VPS13C: variants seen among roughly 807,000 people sequenced by gnomAD.
VPS13C encodes intermembrane lipid transfer protein VPS13C.
VPS13C carries 358 observed loss-of-function variants against 456.8 expected under a neutral mutation model. The ratio of observed to expected loss-of-function variants is 0.78; its 90% CI spans 0.72 to 0.86. The LOEUF is 0.86. Among genes scored for constraint, VPS13C ranks in the 40% least tolerant of loss-of-function variants. The probability of loss-of-function intolerance (pLI) is 0.00; values close to 1 mark genes in which losing one functional copy is unlikely to be tolerated. For missense variants in VPS13C, 4,818 were observed against 4,385.4 expected (o/e 1.10, Z -2.79); for synonymous variants, 1,578 against 1,486.7 (o/e 1.06, Z -1.41).
chr15:61,907,184 C>G (rs1184803311), intron 66 of VPS13C, 80 bp downstream of exon 66: 1 of 1,595,970 alleles, frequency 6.3e-7, no homozygotes, highest in Non-Finnish European at 8.6e-7. Context: ...TCAATTAGGA[C>G]AAGGAGTCAG....
rs1272200532 is a variant in VPS13C, at chr15:61,959,459, C to A, written c.4045G>T (p.Asp1349Tyr). 5 of 1,610,284 alleles carry A rather than the reference C, an allele frequency of 3.1e-6. No homozygotes were observed. In the African/African-American group the frequency reaches 4.0e-5, roughly 13 times the overall value. ...ACTCATATACTTACATTCATTGAATCAAGATGTCCTTTAATTTCCACAACA... is the reference window on the plus strand; with the variant it reads ...ACTCATATACTTACATTCATTGAATAAAGATGTCCTTTAATTTCCACAACA... ...VPVVEIKGHL[D>Y]SMNVSLNQED... Residue 1349 changes from aspartate (D) to tyrosine (Y), a missense_variant, in exon 36 of 85, where the codon GAT (aspartate) becomes TAT (tyrosine). Around this residue, in one of 3 missense-constraint regions of VPS13C, gnomAD observed 4,552 missense variants for 4,130.6 expected, o/e 1.10. Coordinates refer to ENST00000644861, the MANE Select transcript of VPS13C (RefSeq NM_020821.3).
intron 71 of VPS13C, 112 bp from the exon 72 acceptor site, chr15:61,881,066 C>A: frequency 1.2e-6 from 1 of 826,022 alleles, no homozygotes. Context: ...CCTTCATCTC[C>A]TAAAAATTAT....
At chr15:62,005,848 G>A (rs533362486) in intron 15 of VPS13C, among the ~76,000 whole-genome samples, 23 of 151,666 alleles carry the variant, frequency 1.5e-4, no homozygotes, top group Non-Finnish European at 3.2e-4. Flanking sequence ...GATTACGGGT[G>A]CCCACCACCA....
At chr15:61,915,347 A>C (rs1223030666) in intron 61 of VPS13C, among the ~76,000 whole-genome samples, 1 of 152,196 alleles carries the variant, frequency 6.6e-6, no homozygotes, top group Non-Finnish European at 1.5e-5. Flanking sequence ...TCACTGGTAA[A>C]GTACATAAAT....
rs758948442 is a variant in VPS13C, at chr15:61,909,119, C to A, written c.8851G>T (p.Gly2951Cys). 19 of 1,604,980 alleles carry A rather than the reference C, an allele frequency of 1.2e-5. No individual in the cohort carries two copies. The highest frequency in any genetic ancestry group is 6.6e-5 in the South Asian group (6 of 90,700). Residue 2951 changes from glycine to cysteine, a missense_variant, in exon 65 of 85, where the codon GGT (glycine) becomes TGT (cysteine). Coordinates refer to ENST00000644861, the MANE Select transcript of VPS13C (RefSeq NM_020821.3). ...TLLSLEDLNG[G>C]ILVDVNTAEH... ...GCAGTGTTTACATCCACCAAGATAC[C>A]CCCATTCTATTGTAGAAAAAAAAAA...
At chr15:61,928,265 G>T (rs2043934459) in intron 51 of VPS13C, among the ~76,000 whole-genome samples, 1 of 152,020 alleles carries the variant, frequency 6.6e-6, no homozygotes. Flanking sequence ...ATGTACGCAG[G>T]CATAAGTATA....
At position 61,875,727 on chromosome 15, in the gene VPS13C, A is replaced by C; in HGVS notation, c.10338+5T>G. Reference sequence around the variant, plus strand: ...CTATCCTTAGAACAAATAAGAGGTCAATACCTGGAAGGGTTCATAGAATAA... The same window carrying C: ...CTATCCTTAGAACAAATAAGAGGTCCATACCTGGAAGGGTTCATAGAATAA... On this transcript the variant is annotated splice_donor_5th_base_variant and intron_variant, in intron 76 of 84. Transcript: ENST00000644861. 1.2e-6 allele frequency: 2 copies of C among 1,602,424 alleles called. No homozygotes were observed. The highest frequency in any genetic ancestry group is 1.7e-6 in the Non-Finnish European group (2 of 1,172,266).
intron 35 of VPS13C, among the ~76,000 whole-genome samples, 163 bp from the exon 36 acceptor site, chr15:61,959,758 C>T (rs2045131642): frequency 6.6e-6 from 1 of 152,056 alleles, no homozygotes; most frequent in South Asian, 2.1e-4. Flanking sequence ...CTATAATCCA[C>T]TAGAAGGGAC....
intron 66 of VPS13C, among the ~76,000 whole-genome samples, chr15:61,892,918 C>T (rs1219409394): frequency 6.6e-6 from 1 of 151,992 alleles, no homozygotes; most frequent in East Asian, 1.9e-4. Context: ...AGCTCTAAGA[C>T]AGGCTATTGG....
chr15:61,875,471 A>T (rs565321131), intron 76 of VPS13C, among the ~76,000 whole-genome samples: 1 of 152,048 alleles, frequency 6.6e-6, no homozygotes, highest in Non-Finnish European at 1.5e-5. Flanking sequence ...CAGTCTTGAA[A>T]GTCTTAATCT....
chr15:62,030,231 A>C (rs2047767235), intron 5 of VPS13C, among the ~76,000 whole-genome samples: 1 of 152,198 alleles, frequency 6.6e-6, no homozygotes, highest in Admixed American at 6.5e-5. Flanking sequence ...CAGCATTTAC[A>C]AATTCAAGGA....
At chr15:62,013,180 A>G in intron 10 of VPS13C, 61 bp from the exon 11 acceptor site, 1 of 1,287,484 alleles carries the variant, frequency 7.8e-7, no homozygotes, top group Non-Finnish European at 1.1e-6. Flanking sequence ...AATCAATATT[A>G]AAAGATTATT....
At chr15:61,918,385 G>A in intron 58 of VPS13C, 128 bp from the exon 59 acceptor site, 1 of 870,798 alleles carries the variant, frequency 1.1e-6, no homozygotes, top group South Asian at 2.4e-5. Context: ...ATTTTTATTG[G>A]CAATTGAAAA....
intron 35 of VPS13C, 122 bp from the exon 36 acceptor site, chr15:61,959,717 G>A: frequency 1.1e-6 from 1 of 937,404 alleles, no homozygotes; most frequent in Non-Finnish European, 1.5e-6. Flanking sequence ...AGTGTGGCTT[G>A]AGTATTTTCA....
chr15:61,981,305 C>G, intron 22 of VPS13C, 37 bp downstream of exon 22: 3 of 1,555,354 alleles, frequency 1.9e-6, no homozygotes, highest in Non-Finnish European at 2.6e-6. Context: ...GCAAGCAGGT[C>G]AAAGATGGGC....
At chr15:61,973,624 T>A (rs554978621) in intron 25 of VPS13C, 92 bp from the exon 26 acceptor site, 6 of 894,418 alleles carry the variant, frequency 6.7e-6, no homozygotes, top group Admixed American at 1.8e-5. Flanking sequence ...TAATAGAGGA[T>A]AAAGAGATAT....
intron 16 of VPS13C, among the ~76,000 whole-genome samples, chr15:61,998,304 C>G (rs1219790065): frequency 6.6e-6 from 1 of 152,220 alleles, no homozygotes; most frequent in African/African-American, 2.4e-5. Context: ...TGACTAGCTT[C>G]AGTGCTCCTT....
intron 5 of VPS13C, among the ~76,000 whole-genome samples, chr15:62,028,906 T>C (rs1184547002): frequency 6.6e-6 from 1 of 152,148 alleles, no homozygotes; most frequent in Non-Finnish European, 1.5e-5. Flanking sequence ...TTCTCATTAA[T>C]GATGGCTACA....
intron 82 of VPS13C, among the ~76,000 whole-genome samples, chr15:61,857,953 C>T (rs1894011272): frequency 6.6e-6 from 1 of 152,138 alleles, no homozygotes; most frequent in Admixed American, 6.5e-5. Context: ...AGTTCAACAT[C>T]CCTAGCCCCA....
Sources: gnomAD v4.1 joint callset for allele counts (sites outside exome capture counted in the v4.1 genomes callset) on GRCh38, gnomAD v4.1.1 for gene constraint, gnomAD v4.1.1 regional missense constraint, MANE v1.5 for transcripts, NCBI Gene and HGNC (gene_info 2026-07-23, HGNC 2026-07-21) for gene names.